The following SLC17A6 variants were observed in gnomAD, a reference collection of about 807,000 sequenced individuals.
SLC17A6 encodes the protein vesicular glutamate transporter 2.
SLC17A6 carries 35 observed loss-of-function variants against 67.1 expected under a neutral mutation model. The ratio of observed to expected loss-of-function variants is 0.52; its 90% CI spans 0.40 to 0.69. The LOEUF is 0.69. Ranked by LOEUF, SLC17A6 falls within the 30% of genes least tolerant of loss-of-function variation. The pLI, the probability that SLC17A6 is intolerant of heterozygous loss-of-function variation, is 0.00. For synonymous variants in SLC17A6, 285 were observed against 252.3 expected (o/e 1.13, Z -1.23); for missense variants, 588 against 723.9 (o/e 0.81, Z 2.15).
At chr11:22,351,078 T>C (rs1020481155) in intron 3 of SLC17A6, among the ~76,000 whole-genome samples, 1 of 152,116 alleles carries the variant, frequency 6.6e-6, no homozygotes, top group African/African-American at 2.4e-5. Context: ...AAAGAGAATA[T>C]ATAAATTATA....
intron 1 of SLC17A6, 70 bp downstream of exon 1, chr11:22,338,689 C>A (rs1034620271): frequency 2.1e-5 from 23 of 1,105,302 alleles, no homozygotes; most frequent in African/African-American, 1.6e-5. Flanking sequence ...TTTCCGTAAA[C>A]CCTGGTGGCT....
intron 3 of SLC17A6, among the ~76,000 whole-genome samples, chr11:22,355,692 C>G (rs764619201): frequency 6.6e-6 from 1 of 152,206 alleles, no homozygotes; most frequent in Non-Finnish European, 1.5e-5. Context: ...CTTCCTTCTC[C>G]TAAGAACCTG....
intron 3 of SLC17A6, among the ~76,000 whole-genome samples, chr11:22,343,722 C>A (rs368896062): frequency 3.9e-5 from 6 of 152,200 alleles, no homozygotes; most frequent in African/African-American, 1.4e-4. Context: ...GGGTGTAGAA[C>A]GGCAGATGCT....
chr11:22,351,033 GTATT>G (rs1239058046), intron 3 of SLC17A6, among the ~76,000 whole-genome samples: 1 of 151,936 alleles, frequency 6.6e-6, no homozygotes, highest in Non-Finnish European at 1.5e-5. Flanking sequence ...TTTACAAAAT[GTATT>G]TATTTCTAGA....
At chr11:22,358,857 G>C (rs1856018387) in intron 3 of SLC17A6, among the ~76,000 whole-genome samples, 1 of 152,162 alleles carries the variant, frequency 6.6e-6, no homozygotes, top group Non-Finnish European at 1.5e-5. Context: ...TTAATCAAGA[G>C]ACTTCTTGGT....
At position 22,378,492 on chromosome 11, in the gene SLC17A6, A is replaced by C. The variant is rs1261471266; in HGVS notation, c.*752A>C. ...CGTATCACATAACTTTTTTGCAAAA[A>C]ATATAAAAAGAAATAAACTTCAATG... On this transcript the variant is annotated 3_prime_UTR_variant, in exon 12 of 12. Transcript: ENST00000263160. 3 of 152,590 alleles carry C rather than the reference A, an allele frequency of 2.0e-5. No homozygotes were observed. Among genetic ancestry groups the C allele is most frequent in the African/African-American group, 4.8e-5 (2 of 41,450 alleles). The allele number at this position is 152,590 out of a possible 1,614,324, so 9.5% of individuals were successfully genotyped here.
In SLC17A6 at chr11:22,379,102, T is replaced by C. The variant is rs1247596005; in HGVS notation, c.*1362T>C. ...ATTTCCTGTCTGTATATTACCTTCATTTTGCTTGTAGTAGCTGTTTGGGTG... is the reference window on the plus strand; with the variant it reads ...ATTTCCTGTCTGTATATTACCTTCACTTTGCTTGTAGTAGCTGTTTGGGTG... On this transcript the variant is annotated 3_prime_UTR_variant, in exon 12 of 12. Transcript: ENST00000263160. 1 of 152,566 alleles carries C rather than the reference T, an allele frequency of 6.6e-6. No individual in the cohort carries two copies. Among genetic ancestry groups the C allele is most frequent in the Non-Finnish European group, 1.5e-5 (1 of 67,982 alleles). 9.5% of individuals were successfully genotyped at this position (152,566 alleles called of 1,614,324 possible). A position where few individuals can be genotyped will look rare whatever the true frequency, so the allele number is the denominator to read the frequency against.
At chr11:22,366,923 T>C (rs1309100730) in intron 7 of SLC17A6, among the ~76,000 whole-genome samples, 1 of 149,404 alleles carries the variant, frequency 6.7e-6, no homozygotes, top group Non-Finnish European at 1.5e-5. Flanking sequence ...GAGGAATTGC[T>C]TGAACCAGGG....
Position 22,341,572 on chromosome 11 carries a change from CG to C in SLC17A6, c.133del (p.Glu45ArgfsTer6). 1 of 1,613,998 alleles carries C rather than the reference CG, an allele frequency of 6.2e-7. No homozygotes were observed. Among genetic ancestry groups the C allele is most frequent in the Admixed American group, 1.7e-5 (1 of 60,018 alleles). On this transcript the variant is annotated frameshift_variant, in exon 2 of 12. Coordinates refer to ENST00000263160, the MANE Select transcript of SLC17A6 (RefSeq NM_020346.3). LOFTEE classifies it high-confidence loss of function. The part of the protein sequence containing the change: ...KQDTGETIEL[T>X]EDGKPLEVPE... ...GACACCGGGGAGACAATCGAGCTGACGGAGGATGGGAAGCCCCTAGAGGTGC... is the reference window on the plus strand; with the variant it reads ...GACACCGGGGAGACAATCGAGCTGACGAGGATGGGAAGCCCCTAGAGGTGC...
Position 22,378,267 on chromosome 11 carries a change from T to C in SLC17A6, c.*527T>C, listed in dbSNP as rs1336857331. 1 of 153,368 alleles carries C rather than the reference T, an allele frequency of 6.5e-6. No individual in the cohort carries two copies. Among genetic ancestry groups the C allele is most frequent in the Non-Finnish European group, 1.5e-5 (1 of 68,602 alleles). 9.5% of individuals were successfully genotyped at this position (153,368 alleles called of 1,614,324 possible). On this transcript the variant is annotated 3_prime_UTR_variant, in exon 12 of 12. Coordinates refer to ENST00000263160, the MANE Select transcript of SLC17A6 (RefSeq NM_020346.3). The stretch of plus-strand genomic sequence containing the variant: ...GCTACAAAGTTGTACTGAATAACTA[T>C]TAGAATTGCATAATGTGAGATATTT...
intron 3 of SLC17A6, among the ~76,000 whole-genome samples, chr11:22,344,430 C>G (rs535187095): frequency 1.3e-5 from 2 of 152,126 alleles, no homozygotes; most frequent in African/African-American, 2.4e-5. Context: ...CTTTCACTAG[C>G]GGTGTCATTT....
At position 22,338,432 on chromosome 11, in the gene SLC17A6, G is replaced by A; in HGVS notation, c.-102G>A. 2 of 807,618 alleles carry A rather than the reference G, an allele frequency of 2.5e-6. No homozygotes were observed. The highest frequency in any genetic ancestry group is 2.2e-5 in the Admixed American group (1 of 45,416). 50.0% of individuals were successfully genotyped at this position (807,618 alleles called of 1,614,324 possible). On this transcript the variant is annotated 5_prime_UTR_variant, in exon 1 of 12. Transcript: ENST00000263160. ...ACTACCATTCTGCTGAGAAGGAAAA[G>A]CCCGCAACTACTTTAAGAGATTAAG...
intron 5 of SLC17A6, 36 bp from the exon 6 acceptor site, chr11:22,362,703 T>A: frequency 6.6e-7 from 1 of 1,522,528 alleles, no homozygotes; most frequent in Non-Finnish European, 9.1e-7. Context: ...TCTACTGATT[T>A]CACTCACCTT....
intron 3 of SLC17A6, among the ~76,000 whole-genome samples, chr11:22,357,574 A>G (rs1266589749): frequency 6.6e-6 from 1 of 152,194 alleles, no homozygotes; most frequent in African/African-American, 2.4e-5. Context: ...CCAAATTTCA[A>G]TCATGAAGAG....
Position 22,341,612 on chromosome 11 carries a change from G to A in SLC17A6, c.171G>A (p.Ala57=), listed in dbSNP as rs1191894360. 1 of 1,614,026 alleles carries A rather than the reference G, an allele frequency of 6.2e-7. No homozygotes were observed. Residue 57 remains alanine, a synonymous_variant, in exon 2 of 12, where the codon GCG becomes GCA. Coordinates refer to ENST00000263160, the MANE Select transcript of SLC17A6 (RefSeq NM_020346.3). ...GKPLEVPERK[A]PLCDCTCFGL... ...CCCTAGAGGTGCCCGAGAGGAAGGC[G>A]CCGCTGTGCGACTGCACGTGCTTCG...
chr11:22,362,929 C>T (rs1856068788), intron 6 of SLC17A6, 104 bp downstream of exon 6: 1 of 802,776 alleles, frequency 1.2e-6, no homozygotes, highest in South Asian at 1.5e-5. Flanking sequence ...TCTATGTTTA[C>T]TTACTTATTT....
intron 3 of SLC17A6, among the ~76,000 whole-genome samples, chr11:22,350,486 T>C (rs1206234434): frequency 6.6e-6 from 1 of 152,024 alleles, no homozygotes; most frequent in East Asian, 1.9e-4. Context: ...TTTTAAGTGG[T>C]TTTCAAATGG....
Position 22,338,464 on chromosome 11 carries a change from T to C in SLC17A6, c.-70T>C, listed in dbSNP as rs1855760917. ...ACTACTTTAAGAGATTAAGACAATATGCGCAATCCTCGCCTTTCCTAGCAA... is the reference window on the plus strand; with the variant it reads ...ACTACTTTAAGAGATTAAGACAATACGCGCAATCCTCGCCTTTCCTAGCAA... On this transcript the variant is annotated 5_prime_UTR_variant, in exon 1 of 12. It removes an upstream start codon present in the reference 5' UTR. Coordinates refer to ENST00000263160, the MANE Select transcript of SLC17A6 (RefSeq NM_020346.3). The C allele has an allele frequency of 2.7e-6, 3 of 1,121,102 alleles. No individual in the cohort carries two copies. Among genetic ancestry groups the C allele is most frequent in the African/African-American group, 1.5e-5 (1 of 64,698 alleles). The allele number at this position is 1,121,102 out of a possible 1,614,324, so 69.4% of individuals were successfully genotyped here. A position where few individuals can be genotyped will look rare whatever the true frequency, so the allele number is the denominator to read the frequency against.
At chr11:22,367,005 GAAA>G (rs376547104) in intron 7 of SLC17A6, among the ~76,000 whole-genome samples, 4 of 78,840 alleles carry the variant, frequency 5.1e-5, no homozygotes, top group African/African-American at 5.0e-5. Context: ...ACTCCGTCTC[GAAA>G]AAAAAAAAAA....
Sources: gnomAD v4.1 joint callset for allele counts (sites outside exome capture counted in the v4.1 genomes callset) on GRCh38, gnomAD v4.1.1 for gene constraint, MANE v1.5 for transcripts, NCBI Gene and HGNC (gene_info 2026-07-23, HGNC 2026-07-21) for gene names.